GSE1: variants seen among roughly 807,000 people sequenced by gnomAD.
The protein encoded by GSE1 is genetic suppressor element 1.
In GSE1, 32 loss-of-function variants were observed where a neutral mutation model predicts 112.6. That is an observed-to-expected ratio of 0.28 (90% CI 0.21 to 0.38). The LOEUF is 0.38. Ranked by LOEUF, GSE1 falls within the 10% of genes least tolerant of loss-of-function variation. The probability of loss-of-function intolerance (pLI) is 1.00; values close to 1 mark genes in which losing one functional copy is unlikely to be tolerated. For synonymous variants in GSE1, 1,115 were observed against 735.6 expected, an observed-to-expected ratio of 1.52 and a Z score of -8.35; for missense variants, 2,348 against 1,699.2, an observed-to-expected ratio of 1.38 and a Z score of -6.71.
At chr16:85,199,542 G>A (rs1315189566) in intron 1 of GSE1, among the ~76,000 whole-genome samples, 1 of 152,194 alleles carries the variant, frequency 6.6e-6, no homozygotes, top group Non-Finnish European at 1.5e-5. Context: ...GAGGCGCATC[G>A]GCTTAGCTGC....
rs960076841 is a variant in GSE1, at chr16:85,671,222, C to G, written c.3519+124C>G. On this transcript the variant is annotated intron_variant, in intron 15 of 15. Coordinates refer to ENST00000253458, the MANE Select transcript of GSE1 (RefSeq NM_014615.5). ...TAAGAGATCAAAATTTGGCGGATCA[C>G]GAGGTCAGGAGATCGAGACCATCCC... 1.1e-5 allele frequency: 6 copies of G among 557,624 alleles called. No homozygotes were observed. In the South Asian group the frequency reaches 1.3e-4, roughly 12 times the overall value. The allele number at this position is 557,624 out of a possible 1,614,324, so 34.5% of individuals were successfully genotyped here.
intron 2 of GSE1, among the ~76,000 whole-genome samples, chr16:85,461,509 G>A (rs569462974): frequency 6.6e-6 from 1 of 152,132 alleles, no homozygotes; most frequent in Non-Finnish European, 1.5e-5. Context: ...CCCACGCAAG[G>A]GGGGGAGGGG....
chr16:85,655,075 T>G (rs1020130566), intron 5 of GSE1, 84 bp downstream of exon 5: 3 of 899,452 alleles, frequency 3.3e-6, no homozygotes, highest in East Asian at 2.6e-5. Context: ...GTGTTTCTTA[T>G]GACCTGAGAG....
chr16:85,353,595 A>C (rs1469635777), intron 1 of GSE1, among the ~76,000 whole-genome samples: 1 of 152,224 alleles, frequency 6.6e-6, no homozygotes, highest in Admixed American at 6.5e-5. Context: ...ACTACCTGGG[A>C]AGCTGAGGCA....
At chr16:85,346,612 A>ATGGG (rs1268200143) in intron 1 of GSE1, among the ~76,000 whole-genome samples, 1 of 140,156 alleles carries the variant, frequency 7.1e-6, no homozygotes, top group Non-Finnish European at 1.5e-5. Context: ...TGGATGATGG[A>ATGGG]TGGATGGATG....
intron 1 of GSE1, among the ~76,000 whole-genome samples, chr16:85,347,321 C>T (rs1195884711): frequency 1.3e-5 from 2 of 152,136 alleles, no homozygotes; most frequent in African/African-American, 4.8e-5. Flanking sequence ...TGGGCTGATG[C>T]CAAGGTCTCA....
rs771349894 is a variant in GSE1, at chr16:85,665,018, A to C, written c.2648A>C (p.Lys883Thr). Residue 883 changes from lysine to threonine, a missense_variant, in exon 12 of 16, where the codon AAA becomes ACA. By Grantham distance (78) the Lys-to-Thr change is moderately conservative. Transcript: ENST00000253458. ...TCTCAGGCTGCTTTTCTCATAGACA[A>C]AGAGAGACTTGTTGAAATGCTCCGT... ...THISAEKRKD[K>T]ERLVEMLRAM... is the part of the protein sequence containing the mutation. 8 of 1,596,280 alleles carry C rather than the reference A, an allele frequency of 5.0e-6. No individual in the cohort carries two copies. The African/African-American group carries it at 5.4e-5, about 11-fold the overall frequency.
chr16:85,385,109 C>G (rs187769841), intron 2 of GSE1, among the ~76,000 whole-genome samples: 1 of 152,366 alleles, frequency 6.6e-6, no homozygotes, highest in East Asian at 1.9e-4. Context: ...AGTCTGTTCT[C>G]GCCAAGGAAG....
intron 1 of GSE1, among the ~76,000 whole-genome samples, chr16:85,305,734 C>T (rs2151470481): frequency 6.6e-6 from 1 of 152,234 alleles, no homozygotes; most frequent in East Asian, 1.9e-4. Context: ...CTTTGGCCTC[C>T]CAAAGTGTCG....
chr16:85,636,775 CT>C (rs2050037400), intron 2 of GSE1, among the ~76,000 whole-genome samples: 1 of 152,306 alleles, frequency 6.6e-6, no homozygotes, highest in East Asian at 1.9e-4. Flanking sequence ...CCCCTCACCC[CT>C]AGCACCACTG....
intron 1 of GSE1, among the ~76,000 whole-genome samples, chr16:85,255,828 A>C (rs748664804): frequency 6.6e-6 from 1 of 152,012 alleles, no homozygotes; most frequent in Non-Finnish European, 1.5e-5. Flanking sequence ...AGCTGGGACT[A>C]CCAGTGTGCA....
intron 2 of GSE1, among the ~76,000 whole-genome samples, chr16:85,546,488 A>T (rs1045149438): frequency 1.3e-5 from 2 of 152,188 alleles, no homozygotes; most frequent in Non-Finnish European, 2.9e-5. Flanking sequence ...TTTCTCAAGG[A>T]CACACCCATA....
rs544955767 is a variant in GSE1, at chr16:85,415,671, C to T, written c.2464+58028C>T. Among the ~76,000 whole-genome samples the T allele has an allele frequency of 1.6e-4, 25 of 152,370 alleles. No individual in the cohort carries two copies. In the South Asian group the frequency reaches 4.8e-3, roughly 29 times the overall value. On this transcript the variant is annotated intron_variant, in intron 2 of 2. Coordinates refer to the GSE1 transcript ENST00000637419. ...GAAGATTCATTCCCTGTACAGTTGA[C>T]GGCCCCACAGCAGAGCTGCGAGGGT...
rs2044799735 is a variant in GSE1 at position 85,548,852 on chromosome 16, C to T, written c.2465-85062C>T. ...GTCACCAGGCTGGAGTGCAGTGGCTCGATCTCGGCTCACTGCAACCTCCGC... is the reference window on the plus strand; with the variant it reads ...GTCACCAGGCTGGAGTGCAGTGGCTTGATCTCGGCTCACTGCAACCTCCGC... On this transcript the variant is annotated intron_variant, in intron 2 of 2. Transcript: ENST00000637419. 3.3e-5 allele frequency among the ~76,000 whole-genome samples: 5 copies of T among 152,186 alleles called. No homozygotes were observed. In the South Asian group the frequency reaches 1.0e-3, roughly 31 times the overall value.
At chr16:85,444,751 T>A (rs561371278) in intron 2 of GSE1, among the ~76,000 whole-genome samples, 102 of 152,254 alleles carry the variant, frequency 6.7e-4, no homozygotes, top group African/African-American at 2.4e-3. Flanking sequence ...TGAACCAGCA[T>A]CCAGCACAGG....
At chr16:85,570,853 C>T (rs1233837116) in intron 1 of GSE1, among the ~76,000 whole-genome samples, 3 of 152,206 alleles carry the variant, frequency 2.0e-5, no homozygotes, top group East Asian at 1.9e-4. Flanking sequence ...GGAGCTCAGC[C>T]GCAAGCCACT....
intron 1 of GSE1, among the ~76,000 whole-genome samples, chr16:85,244,077 G>C (rs111837029): frequency 0.01 from 1,589 of 152,290 alleles, 26 homozygotes; most frequent in African/African-American, 0.036. Context: ...CGTGAGCGGA[G>C]ATTGCACCAT....
chr16:85,475,022 A>G (rs2050409072), intron 2 of GSE1, among the ~76,000 whole-genome samples: 7 of 151,980 alleles, frequency 4.6e-5, no homozygotes, highest in African/African-American at 4.8e-5. Context: ...GGGCGACCCC[A>G]TGTCCTCTGT....
chr16:85,297,125 G>T (rs1364230716), intron 1 of GSE1, among the ~76,000 whole-genome samples: 1 of 152,224 alleles, frequency 6.6e-6, no homozygotes, highest in Non-Finnish European at 1.5e-5. Flanking sequence ...CCTGCTGCCC[G>T]CCCTCTACCC....
Sources: allele counts gnomAD v4.1 joint callset (sites outside exome capture counted in the v4.1 genomes callset), GRCh38; gene constraint gnomAD v4.1.1; transcripts MANE v1.5; gene names NCBI Gene and HGNC (gene_info 2026-07-23, HGNC 2026-07-21).